Variants in XRCC4 observed in about 807,000 individuals in gnomAD.
XRCC4 encodes DNA repair protein XRCC4.
Under a neutral mutation model 39.1 loss-of-function variants are expected in XRCC4, and 28 were observed. The ratio of observed to expected loss-of-function variants is 0.72; its 90% CI spans 0.53 to 0.98. The LOEUF (loss-of-function observed/expected upper bound fraction) is 0.98, where lower values mean the gene tolerates loss of function less well. XRCC4 is among the 50% of genes least tolerant of loss of function. The probability of loss-of-function intolerance (pLI) is 0.00; values close to 1 mark genes in which losing one functional copy is unlikely to be tolerated. For missense variants in XRCC4, 350 were observed against 376.4 expected (o/e 0.93, Z 0.58); for synonymous variants, 123 against 126.4 (o/e 0.97, Z 0.18).
chr5:83,222,616 T>C (rs1015609827), intron 6 of XRCC4, among the ~76,000 whole-genome samples: 1 of 152,204 alleles, frequency 6.6e-6, no homozygotes, highest in Non-Finnish European at 1.5e-5. Context: ...TGTTGTTTAA[T>C]TTTCATGCAT....
chr5:83,281,048 C>CA (rs1215172849), intron 7 of XRCC4, among the ~76,000 whole-genome samples: 24 of 152,260 alleles, frequency 1.6e-4, no homozygotes, highest in African/African-American at 5.5e-4. Flanking sequence ...TTAAGACTTG[C>CA]ATAATAAATA....
At chr5:83,295,270 T>C (rs139487074) in intron 7 of XRCC4, among the ~76,000 whole-genome samples, 8 of 151,900 alleles carry the variant, frequency 5.3e-5, no homozygotes, top group African/African-American at 1.9e-4. Flanking sequence ...TGAAACACTG[T>C]CCTCCTAAGT....
chr5:83,283,459 G>A (rs1325045778), intron 7 of XRCC4, among the ~76,000 whole-genome samples: 1 of 152,008 alleles, frequency 6.6e-6, no homozygotes, highest in African/African-American at 2.4e-5. Context: ...TATTATTTTT[G>A]AGGTGCCAGT....
chr5:83,110,066 A>G (rs1409289908), intron 2 of XRCC4, among the ~76,000 whole-genome samples: 1 of 151,994 alleles, frequency 6.6e-6, no homozygotes, highest in Non-Finnish European at 1.5e-5. Flanking sequence ...ATTAACTTTC[A>G]AAACTAGTCC....
At chr5:83,219,661 G>A (rs1752005740) in intron 6 of XRCC4, among the ~76,000 whole-genome samples, 2 of 152,136 alleles carry the variant, frequency 1.3e-5, no homozygotes, top group Admixed American at 1.3e-4. Flanking sequence ...ATTGAAGATA[G>A]AAATGTGGCT....
chr5:83,199,585 A>C (rs905200183), intron 4 of XRCC4, among the ~76,000 whole-genome samples: 1 of 151,928 alleles, frequency 6.6e-6, no homozygotes, highest in Non-Finnish European at 1.5e-5. Flanking sequence ...CTATTATTTT[A>C]TTTTGAGCTA....
intron 6 of XRCC4, among the ~76,000 whole-genome samples, chr5:83,230,419 C>T (rs1364475173): frequency 6.6e-6 from 1 of 152,018 alleles, no homozygotes; most frequent in East Asian, 1.9e-4. Context: ...GGAATCCACA[C>T]TCACGTAAAT....
chr5:83,115,448 A>G (rs1036437422), intron 3 of XRCC4, among the ~76,000 whole-genome samples: 5 of 147,700 alleles, frequency 3.4e-5, no homozygotes, highest in Non-Finnish European at 7.4e-5. Flanking sequence ...CAAACAAACA[A>G]ACAAAAAAAC....
chr5:83,283,721 G>A (rs1047876952), intron 7 of XRCC4, among the ~76,000 whole-genome samples: 1 of 152,082 alleles, frequency 6.6e-6, no homozygotes, highest in Non-Finnish European at 1.5e-5. Context: ...CATGTTCCAT[G>A]TGCCCCACCT....
intron 1 of XRCC4, among the ~76,000 whole-genome samples, chr5:83,092,505 A>G (rs1423735999): frequency 6.6e-6 from 1 of 152,034 alleles, no homozygotes; most frequent in Non-Finnish European, 1.5e-5. Context: ...TATTTTTAGG[A>G]TGGTAATGGT....
chr5:83,122,829 A>G (rs1156229580), intron 3 of XRCC4, among the ~76,000 whole-genome samples: 1 of 151,868 alleles, frequency 6.6e-6, no homozygotes, highest in South Asian at 2.1e-4. Context: ...TTTGTTTTCA[A>G]TTTTGTTTGA....
intron 7 of XRCC4, among the ~76,000 whole-genome samples, chr5:83,302,829 C>T (rs1416541666): frequency 6.6e-6 from 1 of 152,020 alleles, no homozygotes; most frequent in African/African-American, 2.4e-5. Flanking sequence ...TTTTTTAATC[C>T]TTATAATAAT....
intron 3 of XRCC4, among the ~76,000 whole-genome samples, chr5:83,172,296 C>T (rs1749764963): frequency 6.6e-6 from 1 of 152,114 alleles, no homozygotes; most frequent in African/African-American, 2.4e-5. Flanking sequence ...ATCCATCGAT[C>T]AGTTAATATT....
the XRCC4 span, among the ~76,000 whole-genome samples, chr5:83,360,051 T>G: frequency 6.6e-6 from 1 of 152,136 alleles, no homozygotes; most frequent in Non-Finnish European, 1.5e-5. Flanking sequence ...TACGAAGAAC[T>G]TCACAAAGAT....
At chr5:83,116,631 T>G (rs1201907723) in intron 3 of XRCC4, among the ~76,000 whole-genome samples, 3 of 140,394 alleles carry the variant, frequency 2.1e-5, no homozygotes, top group African/African-American at 7.8e-5. Context: ...TTTTTTTTTT[T>G]TTTTTTTTGA....
chr5:83,244,317 G>A (rs1005606989), intron 6 of XRCC4, among the ~76,000 whole-genome samples: 6 of 152,126 alleles, frequency 3.9e-5, no homozygotes, highest in African/African-American at 1.4e-4. Flanking sequence ...TTTGTTCTGG[G>A]AGACAAATAA....
chr5:83,205,199 A>G (rs1751371522), intron 6 of XRCC4, among the ~76,000 whole-genome samples: 1 of 152,184 alleles, frequency 6.6e-6, no homozygotes, highest in South Asian at 2.1e-4. Flanking sequence ...AGCATAAGCA[A>G]TGAGGAAGAA....
downstream of XRCC4, among the ~76,000 whole-genome samples, chr5:83,358,077 AACATTTTC>A (rs1471620299): frequency 6.6e-6 from 1 of 152,172 alleles, no homozygotes; most frequent in Non-Finnish European, 1.5e-5. Flanking sequence ...GTCTGAATTT[AACATTTTC>A]ACTACTGATC....
At chr5:83,321,114 A>G (rs1376138054) in intron 7 of XRCC4, among the ~76,000 whole-genome samples, 1 of 152,094 alleles carries the variant, frequency 6.6e-6, no homozygotes, top group African/African-American at 2.4e-5. Context: ...ACATTTCTTT[A>G]GACATAATGC....
Sources: allele counts gnomAD v4.1 joint callset (sites outside exome capture counted in the v4.1 genomes callset), GRCh38; gene constraint gnomAD v4.1.1; transcripts MANE v1.5; gene names NCBI Gene and HGNC (gene_info 2026-07-23, HGNC 2026-07-21).